Variants in STPG2 observed in about 807,000 individuals in gnomAD.
STPG2 encodes sperm tail PG-rich repeat containing 2.
Under a neutral mutation model 54.2 loss-of-function variants are expected in STPG2, and 56 were observed. The observed-to-expected ratio is 1.03, with a 90% CI of 0.83 to 1.29. STPG2 has a LOEUF of 1.29. Ranked by LOEUF, STPG2 falls within the 50% of genes most tolerant of loss-of-function variation. The probability of loss-of-function intolerance (pLI) is 0.00; values close to 1 mark genes in which losing one functional copy is unlikely to be tolerated. For missense variants in STPG2, 596 were observed against 544.9 expected (o/e 1.09, Z -0.93); for synonymous variants, 200 against 181.8 (o/e 1.10, Z -0.81).
At chr4:97,841,274 G>C (rs1728794669) in intron 8 of STPG2, among the ~76,000 whole-genome samples, 1 of 151,618 alleles carries the variant, frequency 6.6e-6, no homozygotes, top group Non-Finnish European at 1.5e-5. Context: ...GTTTTCCTAA[G>C]CAGCAGAACT....
At chr4:98,109,494 T>C (rs1739285079) in intron 3 of STPG2, among the ~76,000 whole-genome samples, 189 bp from the exon 4 acceptor site, 1 of 152,168 alleles carries the variant, frequency 6.6e-6, no homozygotes, top group Admixed American at 6.5e-5. Context: ...CCCATTCCAC[T>C]CCTGAGTCAG....
chr4:97,781,884 C>G (rs945095864), intron 9 of STPG2, among the ~76,000 whole-genome samples: 15 of 151,656 alleles, frequency 9.9e-5, no homozygotes, highest in East Asian at 5.8e-4. Context: ...ATTCAACAGC[C>G]CTTCATGCTA....
chr4:97,685,104 A>G (rs1415915720), intron 10 of STPG2, among the ~76,000 whole-genome samples: 3 of 152,066 alleles, frequency 2.0e-5, no homozygotes, highest in Non-Finnish European at 1.5e-5. Context: ...ATCAACAGGG[A>G]TCCTTTCATT....
intron 9 of STPG2, among the ~76,000 whole-genome samples, chr4:97,730,430 T>A (rs7660951): frequency 0.26 from 39,826 of 152,098 alleles, 5,615 homozygotes; most frequent in Middle Eastern, 0.36. Context: ...TGATTCCATG[T>A]TTTTGCTGTT....
At chr4:97,888,265 T>C (rs1396826483) in intron 8 of STPG2, among the ~76,000 whole-genome samples, 4 of 152,148 alleles carry the variant, frequency 2.6e-5, no homozygotes, top group Non-Finnish European at 5.9e-5. Flanking sequence ...GAATGGTAGA[T>C]CCACCGACAG....
intron 5 of STPG2, among the ~76,000 whole-genome samples, chr4:98,053,566 A>G (rs943202734): frequency 6.6e-6 from 1 of 152,174 alleles, no homozygotes; most frequent in African/African-American, 2.4e-5. Flanking sequence ...GAGTAAAAGT[A>G]AACACAGTTT....
intron 9 of STPG2, among the ~76,000 whole-genome samples, chr4:97,795,385 C>T (rs1727133483): frequency 6.6e-6 from 1 of 152,134 alleles, no homozygotes; most frequent in Non-Finnish European, 1.5e-5. Context: ...TGTGATGTTA[C>T]CCTTCTGGTG....
chr4:98,128,145 AG>A (rs1325787293), intron 3 of STPG2, among the ~76,000 whole-genome samples: 5 of 152,202 alleles, frequency 3.3e-5, no homozygotes, highest in African/African-American at 1.2e-4. Context: ...CTTGACAACA[AG>A]GCCCTAGAGG....
chr4:97,881,613 T>A (rs1160096210), intron 8 of STPG2, among the ~76,000 whole-genome samples: 1 of 152,080 alleles, frequency 6.6e-6, no homozygotes, highest in Non-Finnish European at 1.5e-5. Flanking sequence ...CATGAGAAAA[T>A]AACATTCAGA....
At position 97,463,407 on chromosome 4, in the gene STPG2, A is replaced by AT. The variant is rs1560619533; in HGVS notation, c.462+249291dup. The AT allele has an allele frequency of 3.3e-5, 5 of 152,218 alleles. No homozygotes were observed. In the East Asian group the frequency reaches 9.7e-4, roughly 29 times the overall value. The allele number at this position is 152,218 out of a possible 1,614,324, so 9.4% of individuals were successfully genotyped here. A position where few individuals can be genotyped will look rare whatever the true frequency, so the allele number is the denominator to read the frequency against. On this transcript the variant is annotated intron_variant, in intron 4 of 4. Coordinates refer to the STPG2 transcript ENST00000522676. ...AGAAAGGATATTAGAGAGTTTCTGT[A>AT]TATACTATACCACTTTCTTGTATTG...
intron 9 of STPG2, among the ~76,000 whole-genome samples, chr4:97,746,970 G>C (rs774607081): frequency 4.7e-5 from 7 of 150,164 alleles, no homozygotes; most frequent in Non-Finnish European, 1.0e-4. Context: ...TTTGAAGTCA[G>C]GAAAAGTGTG....
At chr4:97,920,602 A>C (rs1222846616) in intron 8 of STPG2, among the ~76,000 whole-genome samples, 1 of 152,218 alleles carries the variant, frequency 6.6e-6, no homozygotes, top group Non-Finnish European at 1.5e-5. Context: ...CAACCAAAAA[A>C]AAAAGCAGTG....
At chr4:97,766,425 C>T (rs1726055516) in intron 9 of STPG2, among the ~76,000 whole-genome samples, 2 of 151,882 alleles carry the variant, frequency 1.3e-5, no homozygotes, top group Admixed American at 6.6e-5. Flanking sequence ...TCCTTTTATC[C>T]CAAACATTAT....
At chr4:97,830,813 G>T (rs1169808541) in intron 9 of STPG2, among the ~76,000 whole-genome samples, 1 of 152,156 alleles carries the variant, frequency 6.6e-6, no homozygotes, top group African/African-American at 2.4e-5. Flanking sequence ...AATGCAACAA[G>T]AAGAGCTAAT....
At chr4:97,688,278 A>C (rs559986173) in intron 10 of STPG2, among the ~76,000 whole-genome samples, 1 of 152,330 alleles carries the variant, frequency 6.6e-6, no homozygotes, top group African/African-American at 2.4e-5. Context: ...AGTTCACATT[A>C]AAGAAAATAA....
At chr4:97,948,779 T>C (rs1235734853) in intron 7 of STPG2, among the ~76,000 whole-genome samples, 2 of 152,254 alleles carry the variant, frequency 1.3e-5, no homozygotes, top group East Asian at 3.9e-4. Context: ...GAGAAGATAC[T>C]TGCTACAGTT....
intron 10 of STPG2, among the ~76,000 whole-genome samples, chr4:97,660,427 A>G: frequency 6.6e-6 from 1 of 152,218 alleles, no homozygotes; most frequent in Non-Finnish European, 1.5e-5. Flanking sequence ...TTCATCACAT[A>G]CAATGACTAG....
intron 8 of STPG2, among the ~76,000 whole-genome samples, chr4:97,871,593 A>T (rs1287084026): frequency 6.6e-6 from 1 of 151,248 alleles, no homozygotes; most frequent in Non-Finnish European, 1.5e-5. Flanking sequence ...GTTTACTAAC[A>T]TCAGTTTTGT....
chr4:97,907,848 A>G (rs1006243386), intron 8 of STPG2, among the ~76,000 whole-genome samples: 1 of 152,066 alleles, frequency 6.6e-6, no homozygotes, highest in Non-Finnish European at 1.5e-5. Context: ...CCTTCCTTAC[A>G]CCTTATACAA....
Sources: allele counts gnomAD v4.1 joint callset (sites outside exome capture counted in the v4.1 genomes callset), GRCh38; gene constraint gnomAD v4.1.1; transcripts MANE v1.5; gene names NCBI Gene and HGNC (gene_info 2026-07-23, HGNC 2026-07-21).